Variants in WDPCP observed in about 807,000 individuals in gnomAD.
The protein encoded by WDPCP is WD repeat containing planar cell polarity effector.
WDPCP carries 71 observed loss-of-function variants against 93.1 expected under a neutral mutation model. The observed-to-expected ratio is 0.76, with a 90% confidence interval of 0.63 to 0.93. The LOEUF is 0.93. WDPCP is among the 40% of genes least tolerant of loss of function. The pLI is 0.00. For synonymous variants in WDPCP, 315 were observed against 315.0 expected, an observed-to-expected ratio of 1.00 and a Z score of 0.00; for missense variants, 844 against 887.4, an observed-to-expected ratio of 0.95 and a Z score of 0.62.
chr2:63,280,420 C>A (rs559063557), intron 13 of WDPCP, among the ~76,000 whole-genome samples: 1 of 152,280 alleles, frequency 6.6e-6, no homozygotes, highest in African/African-American at 2.4e-5. Context: ...AATTACCTCC[C>A]CATGGGTCCC....
At chr2:63,169,132 C>A (rs1415752235) in intron 15 of WDPCP, among the ~76,000 whole-genome samples, 2 of 152,148 alleles carry the variant, frequency 1.3e-5, no homozygotes, top group Non-Finnish European at 2.9e-5. Flanking sequence ...GGGTCTTCCA[C>A]CCCTTTTATC....
rs1172998702 is a variant in WDPCP, at chr2:63,198,790, T to C, written c.1916-23958A>G. ...GAAAAGTGGTACTGGGAGAGGGGCA[T>C]TGCTATAAAGATACCTGAAAATGTA... On this transcript the variant is annotated intron_variant, in intron 14 of 17. Coordinates refer to ENST00000272321, the MANE Select transcript of WDPCP (RefSeq NM_015910.7). Among the ~76,000 whole-genome samples the C allele has an allele frequency of 2.6e-5, 4 of 152,292 alleles. No homozygotes were observed. The East Asian group carries it at 7.7e-4, about 29-fold the overall frequency.
chr2:63,717,785 G>C (rs1410767693), intron 2 of WDPCP: 2 of 326,222 alleles, frequency 6.1e-6, no homozygotes, highest in Non-Finnish European at 1.2e-5. Context: ...TCCTATTTGG[G>C]GTGTCATAAG....
At chr2:63,204,210 TTTC>T (rs1172607304) in intron 14 of WDPCP, among the ~76,000 whole-genome samples, 1 of 152,088 alleles carries the variant, frequency 6.6e-6, no homozygotes, top group African/African-American at 2.4e-5. Context: ...CTCACCAGCT[TTTC>T]TTATTACCTG....
chr2:63,554,508 C>G (rs1022748309), intron 1 of WDPCP, among the ~76,000 whole-genome samples: 1 of 152,072 alleles, frequency 6.6e-6, no homozygotes, highest in African/African-American at 2.4e-5. Context: ...AAAAAATTAG[C>G]TGGGTATGAT....
chr2:63,324,837 A>G (rs551110706), intron 12 of WDPCP, among the ~76,000 whole-genome samples: 1 of 152,310 alleles, frequency 6.6e-6, no homozygotes, highest in South Asian at 2.1e-4. Context: ...AGGACTAAGG[A>G]GAATTAGGAA....
intron 2 of WDPCP, among the ~76,000 whole-genome samples, chr2:63,744,562 T>C (rs1356631986): frequency 1.3e-5 from 2 of 152,102 alleles, no homozygotes; most frequent in Non-Finnish European, 1.5e-5. Flanking sequence ...TCATATACTG[T>C]AGTAAATCAC....
rs563727431 is a variant in WDPCP at position 63,804,943 on chromosome 2, G to T, written n.308+8679C>A. Among the ~76,000 whole-genome samples the T allele has an allele frequency of 7.2e-5, 11 of 152,024 alleles. 1 individual carries two copies. In the South Asian group the frequency reaches 2.3e-3, roughly 32 times the overall value. On this transcript the variant is annotated intron_variant and non_coding_transcript_variant, in intron 2 of 4. Coordinates refer to the WDPCP transcript ENST00000467687. Reference sequence around the variant, plus strand: ...CTCGGGAGGCTGAGGCAGGATAATCGCTTGAAACTGGAAGGCAGAGGTTGC... The same window carrying T: ...CTCGGGAGGCTGAGGCAGGATAATCTCTTGAAACTGGAAGGCAGAGGTTGC...
intron 3 of WDPCP, among the ~76,000 whole-genome samples, chr2:63,621,074 G>T (rs1709731103): frequency 6.6e-6 from 1 of 152,262 alleles, no homozygotes; most frequent in Admixed American, 6.5e-5. Context: ...AACCAGTACA[G>T]AAAGGCTGAA....
At chr2:63,131,237 T>C (rs137882455) in intron 17 of WDPCP, among the ~76,000 whole-genome samples, 190 of 152,296 alleles carry the variant, frequency 1.2e-3, no homozygotes, top group Non-Finnish European at 1.7e-3. Flanking sequence ...CTGTTTTCTG[T>C]ATGTCTTGTG....
upstream of WDPCP, chr2:63,589,371 A>G (rs1709104173): frequency 3.9e-6 from 6 of 1,550,480 alleles, no homozygotes; most frequent in South Asian, 3.6e-5. Flanking sequence ...ACGGTGTTTG[A>G]TAAGGACGAT....
chr2:63,230,528 G>C (rs1232805228), intron 14 of WDPCP, among the ~76,000 whole-genome samples: 1 of 152,144 alleles, frequency 6.6e-6, no homozygotes, highest in Non-Finnish European at 1.5e-5. Context: ...TTCCACAATG[G>C]TTGAACTAGT....
chr2:63,331,514 C>T (rs992869706), intron 12 of WDPCP, among the ~76,000 whole-genome samples: 3 of 152,100 alleles, frequency 2.0e-5, no homozygotes, highest in African/African-American at 7.2e-5. Context: ...ATGTTTTAAT[C>T]ACCTATTGAG....
At chr2:63,462,408 C>A (rs1699077172) in intron 6 of WDPCP, among the ~76,000 whole-genome samples, 1 of 152,098 alleles carries the variant, frequency 6.6e-6, no homozygotes, top group South Asian at 2.1e-4. Context: ...AAATGATGAG[C>A]TAATGGGCGC....
chr2:63,187,669 A>C (rs1204134640), intron 14 of WDPCP, among the ~76,000 whole-genome samples: 1 of 152,216 alleles, frequency 6.6e-6, no homozygotes, highest in Non-Finnish European at 1.5e-5. Flanking sequence ...TTGTGTACCA[A>C]TTAACATAGA....
At chr2:63,733,143 A>G (rs1669584697) in intron 2 of WDPCP, among the ~76,000 whole-genome samples, 2 of 151,930 alleles carry the variant, frequency 1.3e-5, no homozygotes. Context: ...AGTGGGAGTG[A>G]AAGTGCTTTA....
chr2:63,673,564 G>T (rs1178949840), intron 2 of WDPCP, among the ~76,000 whole-genome samples: 1 of 152,058 alleles, frequency 6.6e-6, no homozygotes, highest in African/African-American at 2.4e-5. Flanking sequence ...GGTGGGAGAG[G>T]CTGGAGGCTA....
chr2:63,625,510 C>T (rs544160481), intron 3 of WDPCP, among the ~76,000 whole-genome samples: 312 of 152,262 alleles, frequency 2.0e-3, no homozygotes, highest in African/African-American at 7.1e-3. Context: ...GTGCAAAAAT[C>T]GCAAGCATTC....
chr2:63,262,437 CTG>C (rs533741401), intron 13 of WDPCP, among the ~76,000 whole-genome samples: 13 of 150,936 alleles, frequency 8.6e-5, no homozygotes, highest in Non-Finnish European at 1.5e-4. Flanking sequence ...ACTTGATAAA[CTG>C]ATCTTAAAAT....
Sources: gnomAD v4.1 joint callset for allele counts (sites outside exome capture counted in the v4.1 genomes callset) on GRCh38, gnomAD v4.1.1 for gene constraint, MANE v1.5 for transcripts, NCBI Gene and HGNC (gene_info 2026-07-23, HGNC 2026-07-21) for gene names.